The following FBLN2 variants were observed in gnomAD, a reference collection of about 807,000 sequenced individuals.
FBLN2 encodes fibulin 2, also known as fibulin-2.
In FBLN2, 81 loss-of-function variants were observed where a neutral mutation model predicts 123.7. The ratio of observed to expected loss-of-function variants is 0.65; its 90% CI spans 0.55 to 0.79. FBLN2 has a LOEUF of 0.79. FBLN2 is among the 30% of genes least tolerant of loss of function. The pLI is 0.00. For synonymous variants in FBLN2, 699 were observed against 701.4 expected, an observed-to-expected ratio of 1.00 and a Z score of 0.05; for missense variants, 1,603 against 1,681.3, an observed-to-expected ratio of 0.95 and a Z score of 0.81.
chr3:13,613,286 G>T (rs958516950), intron 4 of FBLN2, among the ~76,000 whole-genome samples: 3 of 152,222 alleles, frequency 2.0e-5, no homozygotes, highest in Non-Finnish European at 4.4e-5. Context: ...AGAAGCAGCT[G>T]CAATATCACA....
At chr3:13,574,172 C>G (rs149598248) in intron 2 of FBLN2, among the ~76,000 whole-genome samples, 103 of 152,324 alleles carry the variant, frequency 6.8e-4, no homozygotes, top group African/African-American at 2.4e-3. Context: ...TAGGGTTTCC[C>G]TGTTAGCCAG....
chr3:13,637,787 G>A lies in FBLN2; in HGVS notation c.3564G>A (p.Val1188=). 6.2e-7 allele frequency: 1 copy of A among 1,613,930 alleles called. No individual in the cohort carries two copies. Among genetic ancestry groups the A allele is most frequent in the Non-Finnish European group, 8.5e-7 (1 of 1,179,836 alleles). Residue 1188 remains valine (V), a synonymous_variant, in exon 18 of 18, where the codon GTG becomes GTA. Transcript: ENST00000404922. ...GCAGGCTCAATGCCTACACGGGTGT[G>A]GTCTACCTGCAGCGGGCCGTGCTGG... is the stretch of plus-strand genomic sequence containing the variant. ...GTRRLNAYTG[V]VYLQRAVLEP... is the part of the protein sequence containing the mutation.
At chr3:13,628,725 G>A (rs1049871178) in intron 11 of FBLN2, among the ~76,000 whole-genome samples, 180 bp from the exon 12 acceptor site, 1 of 152,146 alleles carries the variant, frequency 6.6e-6, no homozygotes, top group Non-Finnish European at 1.5e-5. Flanking sequence ...AGGTGCTTGG[G>A]TTCTGGGAGG....
chr3:13,563,656 C>A (rs1703669302), intron 1 of FBLN2, among the ~76,000 whole-genome samples: 1 of 152,254 alleles, frequency 6.6e-6, no homozygotes, highest in African/African-American at 2.4e-5. Context: ...GTGCGCAGCT[C>A]ACATATCCCT....
intron 17 of FBLN2, 146 bp from the exon 18 acceptor site, chr3:13,637,416 G>T (rs1346252472): frequency 3.0e-6 from 2 of 668,490 alleles, no homozygotes; most frequent in Non-Finnish European, 2.5e-6. Context: ...AGACCCAGGG[G>T]ACGTAAGGGG....
At chr3:13,581,071 G>GT (rs113139319) in intron 2 of FBLN2, among the ~76,000 whole-genome samples, 110 of 152,310 alleles carry the variant, frequency 7.2e-4, no homozygotes, top group African/African-American at 2.6e-3. Flanking sequence ...ACACACAGGT[G>GT]TTTAATTTAG....
intron 2 of FBLN2, among the ~76,000 whole-genome samples, chr3:13,581,212 A>C (rs1704312942): frequency 2.1e-4 from 2 of 9,720 alleles, no homozygotes; most frequent in South Asian, 6.1e-3. Flanking sequence ...CAGGGGCGGC[A>C]GGTGGGGGGT....
At chr3:13,620,277 C>T (rs1007549196) in intron 8 of FBLN2, among the ~76,000 whole-genome samples, 1 of 152,156 alleles carries the variant, frequency 6.6e-6, no homozygotes, top group African/African-American at 2.4e-5. Context: ...GCGGACACCA[C>T]CTCCACTCAC....
chr3:13,557,751 GA>G (rs1703499705), intron 1 of FBLN2, among the ~76,000 whole-genome samples: 1 of 152,378 alleles, frequency 6.6e-6, no homozygotes, highest in African/African-American at 2.4e-5. Context: ...CCTGAAGTGT[GA>G]AGGGGGGTTC....
intron 2 of FBLN2, among the ~76,000 whole-genome samples, chr3:13,602,606 T>G (rs1327035775): frequency 2.0e-5 from 3 of 152,230 alleles, no homozygotes; most frequent in African/African-American, 7.2e-5. Flanking sequence ...AATTTTCGTC[T>G]TCATGTGAAT....
chr3:13,596,819 G>A (rs1704857899), intron 2 of FBLN2, among the ~76,000 whole-genome samples: 1 of 151,634 alleles, frequency 6.6e-6, no homozygotes, highest in Non-Finnish European at 1.5e-5. Context: ...TTATCCTTGT[G>A]TATCTGGCTT....
intron 16 of FBLN2, among the ~76,000 whole-genome samples, chr3:13,632,863 G>A (rs1575002852): frequency 6.6e-6 from 1 of 152,090 alleles, no homozygotes; most frequent in Non-Finnish European, 1.5e-5. Context: ...AAGTCGGTAT[G>A]GACTCCGTAA....
chr3:13,589,195 A>G (rs953134499), intron 2 of FBLN2, among the ~76,000 whole-genome samples: 2 of 152,180 alleles, frequency 1.3e-5, no homozygotes, highest in African/African-American at 4.8e-5. Context: ...TCTCTTTTGC[A>G]TAGAGTTGGC....
In FBLN2 at chr3:13,627,779, T is replaced by G; in HGVS notation, c.2432-53T>G. The G allele has an allele frequency of 3.8e-6, 6 of 1,561,604 alleles. No homozygotes were observed. The South Asian group carries it at 7.2e-5, about 19-fold the overall frequency. On this transcript the variant is annotated intron_variant, in intron 10 of 17. Coordinates refer to ENST00000404922, the MANE Select transcript of FBLN2 (RefSeq NM_001004019.2). The stretch of plus-strand genomic sequence containing the variant: ...GGGATGTGTGGGCAGGGCTGCTGAG[T>G]GTAAAGGCAGGACCTGCCCCCCAGC...
chr3:13,609,685 G>GA, intron 4 of FBLN2, 43 bp downstream of exon 4: 8 of 957,246 alleles, frequency 8.4e-6, no homozygotes, highest in Non-Finnish European at 1.1e-5. Flanking sequence ...GGGGTGGGGC[G>GA]GGGCGGGAGG....
chr3:13,636,360 G>A, intron 16 of FBLN2, 85 bp from the exon 17 acceptor site: 1 of 1,542,042 alleles, frequency 6.5e-7, no homozygotes, highest in Non-Finnish European at 8.8e-7. Flanking sequence ...CTGCCGTGGG[G>A]CCCAGGCCTT....
chr3:13,583,102 C>A (rs1704388684), intron 2 of FBLN2, among the ~76,000 whole-genome samples: 1 of 152,262 alleles, frequency 6.6e-6, no homozygotes, highest in South Asian at 2.1e-4. Flanking sequence ...GCTGCGAGAC[C>A]CCTCCTTCAG....
chr3:13,552,827 A>C (rs891547427), intron 1 of FBLN2, among the ~76,000 whole-genome samples: 3 of 151,966 alleles, frequency 2.0e-5, no homozygotes, highest in African/African-American at 7.3e-5. Context: ...GATTCTCTTC[A>C]TCACCCCACA....
At chr3:13,580,992 G>A (rs773057175) in intron 2 of FBLN2, among the ~76,000 whole-genome samples, 8 of 152,220 alleles carry the variant, frequency 5.3e-5, no homozygotes, top group Admixed American at 1.3e-4. Context: ...TCTGTGCCAC[G>A]TGGTCTCCAG....
Sources: gnomAD v4.1 joint callset for allele counts (sites outside exome capture counted in the v4.1 genomes callset) on GRCh38, gnomAD v4.1.1 for gene constraint, MANE v1.5 for transcripts, NCBI Gene and HGNC (gene_info 2026-07-23, HGNC 2026-07-21) for gene names.